TARM1: variants seen among roughly 807,000 people sequenced by gnomAD.
TARM1 encodes the protein T cell-interacting, activating receptor on myeloid cells 1, also known as T-cell-interacting, activating receptor on myeloid cells protein 1.
TARM1 carries 24 observed loss-of-function variants against 30.4 expected under a neutral mutation model. The observed-to-expected ratio is 0.79, with a 90% CI of 0.57 to 1.11. The LOEUF is 1.11. Among genes scored for constraint, TARM1 ranks in the 50% least tolerant of loss-of-function variants. The pLI is 0.00. For synonymous variants in TARM1, 129 were observed against 138.9 expected (o/e 0.93, Z 0.50); for missense variants, 323 against 332.8 (o/e 0.97, Z 0.23).
chr19:54,078,552 T>C (rs997668751), intron 1 of TARM1, among the ~76,000 whole-genome samples: 5 of 151,990 alleles, frequency 3.3e-5, no homozygotes, highest in African/African-American at 9.7e-5. Context: ...CTAATTTTTA[T>C]ATTTTTAGTA....
chr19:54,075,775 G>C (rs1368168756), intron 2 of TARM1, 108 bp downstream of exon 2: 8 of 1,300,826 alleles, frequency 6.1e-6, no homozygotes, highest in Non-Finnish European at 8.6e-6. Flanking sequence ...CCTGGCGAAA[G>C]AGTGAGACTC....
Position 54,070,019 on chromosome 19 carries a change from G to C in TARM1, c.800C>G (p.Ala267Gly), listed in dbSNP as rs573332245. 1 of 1,551,446 alleles carries C rather than the reference G, an allele frequency of 6.4e-7. No homozygotes were observed. The highest frequency in any genetic ancestry group is 8.7e-7 in the Non-Finnish European group (1 of 1,146,866). Reference sequence around the variant, plus strand: ...AAGATGGAGTCACTCTGGTTTGAAGGCCTCTGATTCACCTGGAGACACATT... The same window carrying C: ...AAGATGGAGTCACTCTGGTTTGAAGCCCTCTGATTCACCTGGAGACACATT... The part of the protein sequence containing the change: ...SRNVSPGESE[A>G]FKPE The change falls in exon 5 of 5, where the codon GCC becomes GGC. Residue 267 changes from alanine to glycine, a missense_variant. Physicochemically the swap from Ala to Gly is moderately conservative, Grantham distance 60. Coordinates refer to ENST00000432826, the MANE Select transcript of TARM1 (RefSeq NM_001135686.3).
At position 54,074,165 on chromosome 19, in the gene TARM1, G is replaced by A. The variant is rs767890393; in HGVS notation, c.413C>T (p.Ala138Val). 9.7e-5 allele frequency: 151 copies of A among 1,551,674 alleles called. No individual in the cohort carries two copies. Among genetic ancestry groups the A allele is most frequent in the Middle Eastern group, 1.7e-4 (1 of 5,990 alleles). ...LRTYQRGTVT[A>V]GGRVTLQCQK... ...GCACTGCAGAGTCACCCTTCCACCT[G>A]CGGTCACTGTACCCCTTTGGTAGGT... The change falls in exon 4 of 5, where the codon GCA becomes GTA. Residue 138 changes from alanine to valine, a missense_variant. By Grantham distance (64) the Ala-to-Val change is moderately conservative (BLOSUM62 0). Coordinates refer to ENST00000432826, the MANE Select transcript of TARM1 (RefSeq NM_001135686.3).
intron 1 of TARM1, among the ~76,000 whole-genome samples, chr19:54,077,305 A>G (rs2071980491): frequency 6.6e-6 from 1 of 151,888 alleles, no homozygotes. Context: ...GCTTGAACCC[A>G]GGAGGCAGAG....
intron 4 of TARM1, among the ~76,000 whole-genome samples, chr19:54,071,506 C>A (rs915175230): frequency 1.3e-5 from 2 of 151,972 alleles, no homozygotes; most frequent in Admixed American, 6.6e-5. Flanking sequence ...CACTGCTGTG[C>A]AGCAGTGCAC....
chr19:54,072,427 A>C (rs1466362829), intron 4 of TARM1, among the ~76,000 whole-genome samples: 2 of 152,164 alleles, frequency 1.3e-5, no homozygotes, highest in African/African-American at 4.8e-5. Flanking sequence ...GAATTCTAGC[A>C]GTCAATAAAA....
chr19:54,073,215 C>G (rs753571724), intron 4 of TARM1, among the ~76,000 whole-genome samples: 2 of 151,704 alleles, frequency 1.3e-5, no homozygotes, highest in Non-Finnish European at 2.9e-5. Flanking sequence ...TCAAGACCAG[C>G]CTGGTCAACA....
intron 4 of TARM1, among the ~76,000 whole-genome samples, chr19:54,072,584 T>C (rs1255540072): frequency 1.3e-5 from 2 of 151,998 alleles, no homozygotes; most frequent in African/African-American, 2.4e-5. Flanking sequence ...GCTCAAGCAA[T>C]TCTCCAGCCT....
chr19:54,073,979 T>A lies in TARM1; in HGVS notation c.599A>T (p.Gln200Leu). ...TGAGGCCCAGAAGGGAGACTTTGTC[T>A]GGTAGTACATGCAGCTGTAGTTCCC... The part of the protein sequence containing the change: ...DAGNYSCMYY[Q>L]TKSPFWASEP... The change falls in exon 4 of 5, where the codon CAG becomes CTG. Residue 200 changes from glutamine (Q) to leucine (L), a missense_variant. Physicochemically the swap from Gln to Leu is moderately radical, Grantham distance 113 (BLOSUM62 -2). Transcript: ENST00000432826. 6.4e-7 allele frequency: 1 copy of A among 1,551,692 alleles called. No homozygotes were observed. Among genetic ancestry groups the A allele is most frequent in the Non-Finnish European group, 8.7e-7 (1 of 1,146,980 alleles).
rs2072076392 is a variant in TARM1, at chr19:54,080,140, A to AAGC, written c.34+1166_34+1167insGCT. Among the ~76,000 whole-genome samples the AAGC allele has an allele frequency of 1.9e-4, 15 of 80,218 alleles. 4 individuals are homozygous for AAGC. Among genetic ancestry groups the AAGC allele is most frequent in the Non-Finnish European group, 4.0e-4 (15 of 37,154 alleles). The allele number at this position is 80,218 out of a possible 152,430, so 52.6% of individuals were successfully genotyped here. A position where few individuals can be genotyped will look rare whatever the true frequency, so the allele number is the denominator to read the frequency against. Reference sequence around the variant, plus strand: ...GGAAGGAAGGAAGGAAGGAAGGAAGAAAGCAAGCAAGCAAGCAAGCAAGCA... The same window carrying AAGC: ...GGAAGGAAGGAAGGAAGGAAGGAAGAAGCAAGCAAGCAAGCAAGCAAGCAAGCA... On this transcript the variant is annotated intron_variant, in intron 1 of 4. Transcript: ENST00000432826.
In TARM1 at chr19:54,080,125, AAGGAAGG is replaced by A. The variant is rs2072071365; in HGVS notation, c.34+1175_34+1181del. Among the ~76,000 whole-genome samples, 163 of 48,686 alleles carry A rather than the reference AAGGAAGG, an allele frequency of 3.3e-3. 10 individuals carry two copies. Among genetic ancestry groups the A allele is most frequent in the South Asian group, 9.3e-3 (10 of 1,078 alleles). 31.9% of individuals were successfully genotyped at this position (48,686 alleles called of 152,430 possible). On this transcript the variant is annotated intron_variant, in intron 1 of 4. Transcript: ENST00000432826. ...GAAGGAAGGAAGGAAGGAAGGAAGG[AAGGAAGG>A]AAGGAAGAAAGCAAGCAAGCAAGCA...
chr19:54,078,617 C>T (rs1414396460), intron 1 of TARM1, among the ~76,000 whole-genome samples: 2 of 151,230 alleles, frequency 1.3e-5, no homozygotes, highest in African/African-American at 4.9e-5. Context: ...TACGTCAGGT[C>T]ATTGCAAAAA....
chr19:54,075,748 G>A (rs1250961318), intron 2 of TARM1, 135 bp downstream of exon 2: 11 of 964,586 alleles, frequency 1.1e-5, no homozygotes, highest in Non-Finnish European at 1.6e-5. Context: ...AGCCGAGATT[G>A]CACCACCGCA....
At chr19:54,074,255 T>G in intron 3 of TARM1, 39 bp from the exon 4 acceptor site, 1 of 1,524,322 alleles carries the variant, frequency 6.6e-7, no homozygotes. Context: ...TGGGGAGAAG[T>G]CTGGAATCCC....
chr19:54,074,776 C>T lies in TARM1; in HGVS notation c.361+48G>A, dbSNP rs587651749. 2.6e-5 allele frequency: 40 copies of T among 1,525,960 alleles called. 1 individual carries two copies. In the South Asian group the frequency reaches 4.3e-4, roughly 16 times the overall value. 94.5% of individuals were successfully genotyped at this position (1,525,960 alleles called of 1,614,324 possible). The stretch of plus-strand genomic sequence containing the variant: ...TCTCCCTCTGTTCCTCCACTTCCTC[C>T]CTCATCCCCTGTCCCCCGTATGTCA... On this transcript the variant is annotated intron_variant, in intron 3 of 4. Coordinates refer to ENST00000432826, the MANE Select transcript of TARM1 (RefSeq NM_001135686.3).
chr19:54,077,363 C>T (rs9807851), intron 1 of TARM1, among the ~76,000 whole-genome samples: 33,354 of 150,684 alleles, frequency 0.22, 4,161 homozygotes, highest in African/African-American at 0.34. Flanking sequence ...CTGGCCACAG[C>T]GCGAGACTCA....
In TARM1 at chr19:54,074,028, C is replaced by G; in HGVS notation, c.550G>C (p.Val184Leu). 1 of 1,551,678 alleles carries G rather than the reference C, an allele frequency of 6.4e-7. No individual in the cohort carries two copies. Among genetic ancestry groups the G allele is most frequent in the East Asian group, 2.4e-5 (1 of 40,912 alleles). ...CCAGCATCGCCGGCTGTCACGTCCA[C>G]CAGAGAGAAGTCTATCTCCTTCCCC... ...PAGKEIDFSL[V>L]DVTAGDAGNY... is the part of the protein sequence containing the mutation. Residue 184 changes from valine (V) to leucine (L), a missense_variant, in exon 4 of 5, where the codon GTG becomes CTG. By Grantham distance (32) the Val-to-Leu change is conservative. Coordinates refer to ENST00000432826, the MANE Select transcript of TARM1 (RefSeq NM_001135686.3).
At chr19:54,078,662 C>G (rs1284129491) in intron 1 of TARM1, among the ~76,000 whole-genome samples, 1 of 151,890 alleles carries the variant, frequency 6.6e-6, no homozygotes, top group African/African-American at 2.4e-5. Flanking sequence ...CCACCATGCC[C>G]AGCCTCATTT....
chr19:54,081,234 C>G (rs962860774), intron 1 of TARM1, 73 bp downstream of exon 1: 2 of 1,455,060 alleles, frequency 1.4e-6, no homozygotes, highest in East Asian at 2.5e-5. Flanking sequence ...GTTATTATTT[C>G]CATCCCCAGC....
Sources: allele counts gnomAD v4.1 joint callset (sites outside exome capture counted in the v4.1 genomes callset), GRCh38; gene constraint gnomAD v4.1.1; transcripts MANE v1.5; gene names NCBI Gene and HGNC (gene_info 2026-07-23, HGNC 2026-07-21).